The following FYN variants were observed in gnomAD, a reference collection of about 807,000 sequenced individuals.
FYN encodes the protein tyrosine-protein kinase Fyn.
FYN carries 10 observed loss-of-function variants against 70.2 expected under a neutral mutation model. The observed-to-expected ratio is 0.14, with a 90% CI of 0.09 to 0.24. FYN has a LOEUF of 0.24. Ranked by LOEUF, FYN falls within the 10% of genes least tolerant of loss-of-function variation. FYN has a pLI of 1.00. For missense variants in FYN, 319 were observed against 673.1 expected (o/e 0.47, Z 5.82); for synonymous variants, 236 against 248.6 (o/e 0.95, Z 0.48).
chr6:111,832,899 T>C (rs1773065658), intron 2 of FYN, among the ~76,000 whole-genome samples: 1 of 152,200 alleles, frequency 6.6e-6, no homozygotes, highest in African/African-American at 2.4e-5. Flanking sequence ...ATGCTATTAA[T>C]GAAGGGTGAC....
intron 9 of FYN, among the ~76,000 whole-genome samples, chr6:111,698,294 C>T (rs1201597824): frequency 1.3e-5 from 2 of 152,036 alleles, no homozygotes; most frequent in Admixed American, 6.6e-5. Flanking sequence ...CCACCATGCC[C>T]GGCTAATTTT....
At chr6:111,863,716 C>T (rs1254934471) in intron 1 of FYN, among the ~76,000 whole-genome samples, 1 of 152,162 alleles carries the variant, frequency 6.6e-6, no homozygotes, top group Non-Finnish European at 1.5e-5. Flanking sequence ...AAGTGTTTGA[C>T]TTCATCAGAT....
At position 111,852,953 on chromosome 6, in the gene FYN, A is replaced by T. The variant is rs368201252; in HGVS notation, c.-122-6324T>A. On this transcript the variant is annotated intron_variant, in intron 1 of 13. Transcript: ENST00000354650. ...GTAGCACGTTCCACAAAGAGAAGCA[A>T]CAGAACCAGTTGTGCAAGAACACAA... Among the ~76,000 whole-genome samples the T allele has an allele frequency of 1.6e-4, 24 of 152,358 alleles. No individual in the cohort carries two copies. In the East Asian group the frequency reaches 1.7e-3, roughly 11 times the overall value.
At chr6:111,668,247 C>A (rs754749999) in intron 13 of FYN, among the ~76,000 whole-genome samples, 1 of 152,198 alleles carries the variant, frequency 6.6e-6, no homozygotes, top group Non-Finnish European at 1.5e-5. Context: ...AGTATAGGAT[C>A]ATTGTGAAAA....
intron 2 of FYN, among the ~76,000 whole-genome samples, chr6:111,812,604 C>CT (rs369326017): frequency 0.019 from 1,874 of 101,226 alleles, 83 homozygotes; most frequent in Non-Finnish European, 0.024. Flanking sequence ...AGAAATTTTC[C>CT]TTTTTTTTTT....
In FYN at chr6:111,700,281, G is replaced by T; in HGVS notation, c.698-13C>A. The T allele has an allele frequency of 6.2e-7, 1 of 1,613,604 alleles. No individual in the cohort carries two copies. Among genetic ancestry groups the T allele is most frequent in the Non-Finnish European group, 8.5e-7 (1 of 1,179,788 alleles). ...CCTGCAGCTCTCTCTGATGGAGCAGGGCAGGGGCAGGAGAGGGAGAGAAGA... is the reference window on the plus strand; with the variant it reads ...CCTGCAGCTCTCTCTGATGGAGCAGTGCAGGGGCAGGAGAGGGAGAGAAGA... On this transcript the variant is annotated splice_polypyrimidine_tract_variant and intron_variant, in intron 8 of 13. Coordinates refer to ENST00000354650, the MANE Select transcript of FYN (RefSeq NM_002037.5).
intron 2 of FYN, among the ~76,000 whole-genome samples, chr6:111,800,592 C>T (rs1434921532): frequency 6.6e-6 from 1 of 152,158 alleles, no homozygotes; most frequent in African/African-American, 2.4e-5. Flanking sequence ...ACAGGCTCAT[C>T]CCATTTTTTT....
intron 3 of FYN, among the ~76,000 whole-genome samples, chr6:111,766,955 C>T (rs1803248844): frequency 1.3e-5 from 2 of 152,150 alleles, no homozygotes; most frequent in Non-Finnish European, 2.9e-5. Flanking sequence ...CCTACAATAT[C>T]AAAGTAACCA....
intron 3 of FYN, among the ~76,000 whole-genome samples, chr6:111,745,023 C>T (rs1802145196): frequency 6.6e-6 from 1 of 152,122 alleles, no homozygotes; most frequent in African/African-American, 2.4e-5. Flanking sequence ...GAAAAATCTG[C>T]TTTTGCTAGG....
chr6:111,807,748 T>C (rs1772194249), intron 2 of FYN, among the ~76,000 whole-genome samples: 1 of 152,074 alleles, frequency 6.6e-6, no homozygotes, highest in African/African-American at 2.4e-5. Flanking sequence ...TTTTCATAAC[T>C]TCCCCAGGGG....
chr6:111,692,694 C>T (rs1440752739), intron 12 of FYN, among the ~76,000 whole-genome samples: 3 of 152,234 alleles, frequency 2.0e-5, no homozygotes, highest in Admixed American at 2.0e-4. Flanking sequence ...CGGCTCTATT[C>T]TAGCCCTTTC....
chr6:111,794,121 T>C (rs1454014878), intron 2 of FYN, among the ~76,000 whole-genome samples: 1 of 152,230 alleles, frequency 6.6e-6, no homozygotes, highest in Non-Finnish European at 1.5e-5. Flanking sequence ...CCATCCGCCA[T>C]GAGGACACCC....
chr6:111,673,336 C>T (rs948507414), intron 13 of FYN, among the ~76,000 whole-genome samples: 14 of 152,134 alleles, frequency 9.2e-5, no homozygotes, highest in Non-Finnish European at 8.8e-5. Context: ...CATCTCTAAA[C>T]GCCCAGTGCC....
At chr6:111,744,729 G>C (rs7760905) in intron 3 of FYN, among the ~76,000 whole-genome samples, 16 of 152,116 alleles carry the variant, frequency 1.1e-4, no homozygotes, top group African/African-American at 3.6e-4. Flanking sequence ...CTTAATTAAT[G>C]AGATTTTTGT....
intron 3 of FYN, among the ~76,000 whole-genome samples, chr6:111,775,177 T>C (rs915857482): frequency 2.0e-5 from 3 of 152,218 alleles, no homozygotes; most frequent in Admixed American, 6.5e-5. Context: ...CACTAGAATA[T>C]GTGACAGCTA....
intron 3 of FYN, among the ~76,000 whole-genome samples, chr6:111,763,723 C>T (rs1325955085): frequency 6.6e-6 from 1 of 152,100 alleles, no homozygotes; most frequent in Non-Finnish European, 1.5e-5. Context: ...TACATTTTTT[C>T]ATGCATTTTA....
intron 5 of FYN, among the ~76,000 whole-genome samples, chr6:111,708,511 T>C (rs1236623163): frequency 2.6e-5 from 4 of 152,094 alleles, no homozygotes; most frequent in African/African-American, 7.2e-5. Flanking sequence ...CATCTTAACA[T>C]TGGGAGGTTA....
intron 2 of FYN, among the ~76,000 whole-genome samples, chr6:111,824,804 C>G (rs150828186): frequency 6.6e-6 from 1 of 152,210 alleles, no homozygotes; most frequent in Non-Finnish European, 1.5e-5. Flanking sequence ...CAAAGTGTTA[C>G]CAGGTAGCCA....
chr6:111,792,102 G>C (rs1164131325), intron 2 of FYN, among the ~76,000 whole-genome samples: 3 of 152,178 alleles, frequency 2.0e-5, no homozygotes, highest in African/African-American at 4.8e-5. Context: ...AAGCCACAGA[G>C]TGGAGAACAT....
Sources: allele counts gnomAD v4.1 joint callset (sites outside exome capture counted in the v4.1 genomes callset), GRCh38; gene constraint gnomAD v4.1.1; transcripts MANE v1.5; gene names NCBI Gene and HGNC (gene_info 2026-07-23, HGNC 2026-07-21).